Variants in MAP4K5 observed in about 807,000 individuals in gnomAD.
The protein encoded by MAP4K5 is mitogen-activated protein kinase kinase kinase kinase 5.
In MAP4K5, 82 loss-of-function variants were observed where a neutral mutation model predicts 135.6. The ratio of observed to expected loss-of-function variants is 0.60; its 90% CI spans 0.51 to 0.73. The LOEUF is 0.73. Among genes scored for constraint, MAP4K5 ranks in the 30% least tolerant of loss-of-function variants. The probability of loss-of-function intolerance (pLI) is 0.00; values close to 1 mark genes in which losing one functional copy is unlikely to be tolerated. For missense variants in MAP4K5, 907 were observed against 1,010.9 expected, an observed-to-expected ratio of 0.90 and a Z score of 1.39; for synonymous variants, 347 against 335.0, an observed-to-expected ratio of 1.04 and a Z score of -0.39.
At chr14:50,486,597 G>T (rs920910762) in intron 3 of MAP4K5, among the ~76,000 whole-genome samples, 1 of 151,980 alleles carries the variant, frequency 6.6e-6, no homozygotes, top group African/African-American at 2.4e-5. Context: ...TTCCTTTTTG[G>T]TCTGTATTTT....
intron 21 of MAP4K5, 51 bp from the exon 22 acceptor site, chr14:50,440,492 A>T: frequency 1.1e-6 from 1 of 906,944 alleles, no homozygotes; most frequent in Non-Finnish European, 1.7e-6. Flanking sequence ...TTCTGAAATC[A>T]TTCACTAAAA....
At chr14:50,487,995 G>C (rs952051779) in intron 3 of MAP4K5, among the ~76,000 whole-genome samples, 1 of 152,044 alleles carries the variant, frequency 6.6e-6, no homozygotes, top group African/African-American at 2.4e-5. Context: ...TAATATATGT[G>C]TATATATATT....
At position 50,541,851 on chromosome 14, in the gene MAP4K5, C is replaced by T. The variant is rs149446620; in HGVS notation, c.-94+648G>A. Among the ~76,000 whole-genome samples, 27 of 151,240 alleles carry T rather than the reference C, an allele frequency of 1.8e-4. No individual in the cohort carries two copies. In the East Asian group the frequency reaches 5.1e-3, roughly 28 times the overall value. ...GTGAAACCCCATCTCTCTAAAAATACAAAAAATTAGCTGGGTGCGGTGGCG... is the reference window on the plus strand; with the variant it reads ...GTGAAACCCCATCTCTCTAAAAATATAAAAAATTAGCTGGGTGCGGTGGCG... On this transcript the variant is annotated intron_variant, in intron 2 of 8. Transcript: ENST00000555216.
At chr14:50,532,871 CAGGT>C (rs1453872479), upstream of MAP4K5, 4 of 152,344 alleles carry the variant, frequency 2.6e-5, no homozygotes, top group Non-Finnish European at 5.9e-5. Flanking sequence ...CCACATTTGT[CAGGT>C]AGGCCTGTAG....
Position 50,440,071 on chromosome 14 carries a change from T to C in MAP4K5, c.1647A>G (p.Leu549=). 6.7e-7 allele frequency: 1 copy of C among 1,484,820 alleles called. No individual in the cohort carries two copies. Among genetic ancestry groups the C allele is most frequent in the Non-Finnish European group, 9.2e-7 (1 of 1,085,190 alleles). 92.0% of individuals were successfully genotyped at this position (1,484,820 alleles called of 1,614,324 possible). A position where few individuals can be genotyped will look rare whatever the true frequency, so the allele number is the denominator to read the frequency against. The stretch of plus-strand genomic sequence containing the variant: ...ACAGCCAAGTACACTTCCGTGGAAA[T>C]AACTAAGAAAAAGAAGATAATTAAG... ...NELHEATMEQ[L]FPRKCTWLYV... The change falls in exon 23 of 33, where the codon TTA becomes TTG. Residue 549 remains leucine, a splice_region_variant and synonymous_variant. Coordinates refer to ENST00000682126, the MANE Select transcript of MAP4K5 (RefSeq NM_006575.6).
At chr14:50,439,803 G>A (rs182885045) in intron 23 of MAP4K5, among the ~76,000 whole-genome samples, 6 of 152,226 alleles carry the variant, frequency 3.9e-5, no homozygotes, top group Admixed American at 1.3e-4. Context: ...TAGATGCTGG[G>A]TGGGTTTGGA....
intron 2 of MAP4K5, among the ~76,000 whole-genome samples, chr14:50,519,418 G>A (rs2038101047): frequency 6.6e-6 from 1 of 152,084 alleles, no homozygotes; most frequent in Non-Finnish European, 1.5e-5. Context: ...ACTTCGGGAG[G>A]TCAAGAAGGG....
At chr14:50,467,502 TAATC>T (rs2036859297) in intron 10 of MAP4K5, among the ~76,000 whole-genome samples, 2 of 152,106 alleles carry the variant, frequency 1.3e-5, no homozygotes, top group South Asian at 4.1e-4. Context: ...TTTTCACTAA[TAATC>T]AATTTTCCAT....
At chr14:50,460,491 G>T (rs902522667) in intron 13 of MAP4K5, among the ~76,000 whole-genome samples, 1 of 152,076 alleles carries the variant, frequency 6.6e-6, no homozygotes, top group Non-Finnish European at 1.5e-5. Context: ...AAGGCAAATT[G>T]GAGAATAGAG....
intron 5 of MAP4K5, among the ~76,000 whole-genome samples, chr14:50,484,754 A>G (rs562407224): frequency 6.6e-6 from 1 of 152,304 alleles, no homozygotes; most frequent in South Asian, 2.1e-4. Context: ...GTTACAACCT[A>G]TTATTTGAAG....
intron 13 of MAP4K5, among the ~76,000 whole-genome samples, chr14:50,461,023 T>A (rs575382769): frequency 1.2e-4 from 18 of 152,288 alleles, no homozygotes; most frequent in African/African-American, 4.1e-4. Context: ...GTAGTTACTA[T>A]AATATTTATT....
At chr14:50,482,623 A>G (rs2037271502) in intron 5 of MAP4K5, 1 of 382,376 alleles carries the variant, frequency 2.6e-6, no homozygotes, top group Non-Finnish European at 4.7e-6. Context: ...CTAAAAATAC[A>G]AAAATTGGCT....
intron 14 of MAP4K5, among the ~76,000 whole-genome samples, chr14:50,455,641 G>C (rs1269732124): frequency 3.3e-5 from 5 of 152,026 alleles, no homozygotes; most frequent in Non-Finnish European, 4.4e-5. Context: ...CAGAAAGCTA[G>C]AAATGTTTGG....
chr14:50,548,200 C>T (rs2038658520), intron 1 of MAP4K5, among the ~76,000 whole-genome samples: 1 of 152,074 alleles, frequency 6.6e-6, no homozygotes, highest in African/African-American at 2.4e-5. Context: ...CAGCTTGTTC[C>T]CCAGACAGTA....
intron 1 of MAP4K5, among the ~76,000 whole-genome samples, chr14:50,556,567 G>C (rs1262875268): frequency 6.6e-6 from 1 of 152,132 alleles, no homozygotes; most frequent in African/African-American, 2.4e-5. Flanking sequence ...TTGATTTCAT[G>C]ATGAATTCTA....
At position 50,420,008 on chromosome 14, in the gene MAP4K5, G is replaced by T; in HGVS notation, c.*11C>A. The stretch of plus-strand genomic sequence containing the variant: ...TTCATTTTCCTGTCATTTGAGATCA[G>T]TTTCTGTTGCTTAGTAACTATTTTC... On this transcript the variant is annotated 3_prime_UTR_variant, in exon 33 of 33. Coordinates refer to ENST00000682126, the MANE Select transcript of MAP4K5 (RefSeq NM_006575.6). 6.3e-7 allele frequency: 1 copy of T among 1,578,824 alleles called. No individual in the cohort carries two copies.
intron 3 of MAP4K5, among the ~76,000 whole-genome samples, chr14:50,490,405 G>A (rs1187333571): frequency 6.6e-6 from 1 of 152,154 alleles, no homozygotes; most frequent in African/African-American, 2.4e-5. Context: ...TCTAAATGAT[G>A]TTAACATTGG....
chr14:50,463,921 A>C (rs1177651672), intron 12 of MAP4K5, 131 bp downstream of exon 12: 1 of 193,264 alleles, frequency 5.2e-6, no homozygotes, highest in African/African-American at 3.3e-5. Flanking sequence ...AAAAAAAAAA[A>C]AAAAAAAGTT....
intron 3 of MAP4K5, among the ~76,000 whole-genome samples, chr14:50,489,395 C>T (rs1342923291): frequency 6.6e-6 from 1 of 152,154 alleles, no homozygotes; most frequent in Non-Finnish European, 1.5e-5. Context: ...ATTCTTCACA[C>T]CCTGACAATG....
Sources: allele counts gnomAD v4.1 joint callset (sites outside exome capture counted in the v4.1 genomes callset), GRCh38; gene constraint gnomAD v4.1.1; transcripts MANE v1.5; gene names NCBI Gene and HGNC (gene_info 2026-07-23, HGNC 2026-07-21).